Variants in CPPED1 observed in about 807,000 individuals in gnomAD.
The protein encoded by CPPED1 is calcineurin like phosphoesterase domain containing 1.
Under a neutral mutation model 28.0 loss-of-function variants are expected in CPPED1, and 28 were observed. The observed-to-expected ratio is 1.00, with a 90% confidence interval of 0.74 to 1.37. The LOEUF is 1.37. CPPED1 is among the 40% of genes most tolerant of loss of function. The pLI is 0.00. For synonymous variants in CPPED1, 198 were observed against 180.2 expected, an observed-to-expected ratio of 1.10 and a Z score of -0.79; for missense variants, 504 against 416.5, an observed-to-expected ratio of 1.21 and a Z score of -1.83.
At chr16:12,708,900 C>T (rs937729659) in intron 2 of CPPED1, among the ~76,000 whole-genome samples, 3 of 152,052 alleles carry the variant, frequency 2.0e-5, no homozygotes, top group Admixed American at 6.6e-5. Flanking sequence ...GCTAACATGA[C>T]AAAACCCCAT....
chr16:12,782,429 T>C (rs2080537465), intron 1 of CPPED1, among the ~76,000 whole-genome samples: 1 of 152,054 alleles, frequency 6.6e-6, no homozygotes, highest in African/African-American at 2.4e-5. Flanking sequence ...GGACCCCCGA[T>C]CTACAGCCCC....
intron 1 of CPPED1, among the ~76,000 whole-genome samples, chr16:12,787,839 T>C (rs1463451333): frequency 1.3e-5 from 2 of 152,216 alleles, no homozygotes; most frequent in African/African-American, 4.8e-5. Context: ...TTATAGCCTC[T>C]GTGGGAGTCT....
chr16:12,726,340 CTTTTTTT>C (rs35865113), intron 2 of CPPED1, among the ~76,000 whole-genome samples: 1 of 107,388 alleles, frequency 9.3e-6, no homozygotes. Context: ...GCACCCAGCC[CTTTTTTT>C]TTTTTTTTTT....
intron 3 of CPPED1, among the ~76,000 whole-genome samples, chr16:12,702,320 G>C (rs2080024867): frequency 6.6e-6 from 1 of 152,106 alleles, no homozygotes; most frequent in South Asian, 2.1e-4. Flanking sequence ...GGGATCATTT[G>C]AGGCCAGGAG....
At chr16:12,761,726 T>C (rs1361895749) in intron 2 of CPPED1, among the ~76,000 whole-genome samples, 1 of 152,080 alleles carries the variant, frequency 6.6e-6, no homozygotes, top group African/African-American at 2.4e-5. Context: ...GGATAAAAAA[T>C]GTGAGCCAGG....
chr16:12,707,725 T>C (rs2080058930), intron 2 of CPPED1, among the ~76,000 whole-genome samples: 1 of 152,136 alleles, frequency 6.6e-6, no homozygotes, highest in Non-Finnish European at 1.5e-5. Context: ...AGCTGGGAAT[T>C]ACACACAGTA....
At chr16:12,732,213 G>A (rs2080201710) in intron 2 of CPPED1, among the ~76,000 whole-genome samples, 1 of 144,476 alleles carries the variant, frequency 6.9e-6, no homozygotes, top group African/African-American at 2.6e-5. Context: ...ATTACAGGAT[G>A]CTATTTTGAA....
chr16:12,790,228 G>A (rs2080588209), intron 1 of CPPED1, among the ~76,000 whole-genome samples: 2 of 152,134 alleles, frequency 1.3e-5, no homozygotes, highest in Non-Finnish European at 2.9e-5. Context: ...GCTCTTTACC[G>A]CTGAACTTTT....
intron 2 of CPPED1, among the ~76,000 whole-genome samples, chr16:12,731,076 G>A (rs545664213): frequency 2.3e-4 from 35 of 152,022 alleles, no homozygotes; most frequent in Admixed American, 1.0e-3. Context: ...GGAAGGCCAA[G>A]GTGGGAGGAT....
At chr16:12,684,407 T>G (rs1452483809) in intron 3 of CPPED1, among the ~76,000 whole-genome samples, 1 of 152,166 alleles carries the variant, frequency 6.6e-6, no homozygotes, top group Non-Finnish European at 1.5e-5. Flanking sequence ...TTGAGGGTTC[T>G]CCATCACCTT....
At chr16:12,774,121 C>T (rs2080484300) in intron 2 of CPPED1, among the ~76,000 whole-genome samples, 1 of 152,056 alleles carries the variant, frequency 6.6e-6, no homozygotes, top group Non-Finnish European at 1.5e-5. Context: ...AGTTGAGGGA[C>T]CAGAAAGTGA....
chr16:12,776,309 C>A (rs898997754), intron 2 of CPPED1, among the ~76,000 whole-genome samples: 4 of 152,178 alleles, frequency 2.6e-5, no homozygotes, highest in African/African-American at 9.7e-5. Flanking sequence ...GGACTTCTGA[C>A]CCCTGGGATG....
chr16:12,739,523 G>C (rs1416108089), intron 2 of CPPED1, among the ~76,000 whole-genome samples: 1 of 152,174 alleles, frequency 6.6e-6, no homozygotes, highest in African/African-American at 2.4e-5. Context: ...GGAGGTTACA[G>C]TGAGCCAAGA....
intron 1 of CPPED1, among the ~76,000 whole-genome samples, chr16:12,796,663 T>C (rs2080629403): frequency 6.6e-6 from 1 of 152,162 alleles, no homozygotes; most frequent in Non-Finnish European, 1.5e-5. Context: ...GGAAAATAGT[T>C]TGGTGGTTCC....
intron 3 of CPPED1, among the ~76,000 whole-genome samples, chr16:12,668,033 T>A (rs2079834662): frequency 1.3e-5 from 2 of 152,114 alleles, no homozygotes; most frequent in African/African-American, 4.8e-5. Context: ...AGCAGGAATC[T>A]TAACAATAAC....
intron 3 of CPPED1, among the ~76,000 whole-genome samples, chr16:12,678,484 C>T: frequency 6.6e-6 from 1 of 152,136 alleles, no homozygotes; most frequent in African/African-American, 2.4e-5. Flanking sequence ...ATCTGTCGCT[C>T]AATCGGGGGG....
At chr16:12,792,953 A>G (rs2080605709) in intron 1 of CPPED1, among the ~76,000 whole-genome samples, 1 of 152,008 alleles carries the variant, frequency 6.6e-6, no homozygotes, top group Non-Finnish European at 1.5e-5. Context: ...TCTTTCTGGT[A>G]TACGCTCTCC....
At chr16:12,743,004 G>A (rs1007357594) in intron 2 of CPPED1, among the ~76,000 whole-genome samples, 10 of 152,196 alleles carry the variant, frequency 6.6e-5, no homozygotes, top group Admixed American at 6.5e-4. Context: ...TATGGGTCAT[G>A]AGTGACCCAG....
At chr16:12,717,924 G>A (rs969611723) in intron 2 of CPPED1, among the ~76,000 whole-genome samples, 6 of 152,180 alleles carry the variant, frequency 3.9e-5, no homozygotes, top group African/African-American at 1.2e-4. Context: ...TTACAGGCGT[G>A]AGCCACTGCA....
Sources: gnomAD v4.1 joint callset for allele counts (sites outside exome capture counted in the v4.1 genomes callset) on GRCh38, gnomAD v4.1.1 for gene constraint, MANE v1.5 for transcripts, NCBI Gene and HGNC (gene_info 2026-07-23, HGNC 2026-07-21) for gene names.